The following SPAG16 variants were observed in gnomAD, a reference collection of about 807,000 sequenced individuals.
SPAG16 encodes sperm-associated antigen 16 protein.
In SPAG16, 86 loss-of-function variants were observed where a neutral mutation model predicts 80.4. The observed-to-expected ratio is 1.07, with a 90% confidence interval of 0.90 to 1.28. The LOEUF (loss-of-function observed/expected upper bound fraction) is 1.28. Among genes scored for constraint, SPAG16 ranks in the 50% most tolerant of loss-of-function variants. The pLI is 0.00. For missense variants in SPAG16, 870 were observed against 765.3 expected (o/e 1.14, Z -1.61); for synonymous variants, 294 against 265.9 (o/e 1.11, Z -1.03).
At chr2:213,963,102 T>A (rs935075675) in intron 12 of SPAG16, among the ~76,000 whole-genome samples, 2 of 151,842 alleles carry the variant, frequency 1.3e-5, no homozygotes, top group South Asian at 4.2e-4. Context: ...TCTTTTTTTT[T>A]TTTTTTAATG....
At chr2:214,310,480 GTTTTGGTTTTTGTTTTGT>G (rs149041402) in intron 15 of SPAG16, among the ~76,000 whole-genome samples, 8,474 of 152,098 alleles carry the variant, frequency 0.056, 800 homozygotes, top group African/African-American at 0.19. Context: ...TTTTTGTTTT[GTTTTGGTTTTTGTTTTGT>G]TTTTGGTGAA....
At chr2:213,801,582 A>G (rs939840090) in intron 10 of SPAG16, among the ~76,000 whole-genome samples, 2 of 152,336 alleles carry the variant, frequency 1.3e-5, no homozygotes, top group Admixed American at 6.5e-5. Context: ...AAGTAGACCT[A>G]TGTGCTAAGG....
At chr2:214,267,864 T>TAAAC (rs950519844) in intron 15 of SPAG16, among the ~76,000 whole-genome samples, 1 of 151,668 alleles carries the variant, frequency 6.6e-6, no homozygotes, top group African/African-American at 2.4e-5. Context: ...CACAGTAGGG[T>TAAAC]AAACAACAGA....
intron 15 of SPAG16, among the ~76,000 whole-genome samples, chr2:214,344,844 C>T (rs903151339): frequency 6.6e-6 from 1 of 152,068 alleles, no homozygotes; most frequent in African/African-American, 2.4e-5. Context: ...AGCTATTGCT[C>T]CTCATCTCAT....
intron 15 of SPAG16, 128 bp downstream of exon 15, chr2:214,149,394 T>G: frequency 1.3e-6 from 1 of 778,666 alleles, no homozygotes; most frequent in Non-Finnish European, 1.8e-6. Context: ...TACATTATAT[T>G]ACATTACATT....
At position 214,369,647 on chromosome 2, in the gene SPAG16, C is replaced by A. The variant is rs377631101; in HGVS notation, c.1721-40493C>A. Among the ~76,000 whole-genome samples the A allele has an allele frequency of 2.3e-4, 35 of 152,158 alleles. 1 individual carries two copies. The East Asian group carries it at 5.2e-3, about 23-fold the overall frequency. On this transcript the variant is annotated intron_variant, in intron 15 of 15. Transcript: ENST00000331683. Reference sequence around the variant, plus strand: ...CTGGTTCCTGATTCTCAACATGTGGCATGCCCTCTTTCTTTCCTTTTTCTA... The same window carrying A: ...CTGGTTCCTGATTCTCAACATGTGGAATGCCCTCTTTCTTTCCTTTTTCTA...
chr2:213,687,432 T>C (rs2064734875), intron 10 of SPAG16, among the ~76,000 whole-genome samples: 1 of 152,226 alleles, frequency 6.6e-6, no homozygotes, highest in African/African-American at 2.4e-5. Flanking sequence ...TTTTGGACAT[T>C]TCTTGTAGTG....
intron 10 of SPAG16, among the ~76,000 whole-genome samples, chr2:213,585,815 C>A (rs1226204295): frequency 2.0e-5 from 3 of 152,232 alleles, no homozygotes; most frequent in East Asian, 3.9e-4. Flanking sequence ...CTCAACAAAT[C>A]ATTTTTGAAA....
At chr2:213,614,465 A>G (rs1327286844) in intron 10 of SPAG16, among the ~76,000 whole-genome samples, 1 of 152,196 alleles carries the variant, frequency 6.6e-6, no homozygotes, top group Admixed American at 6.5e-5. Flanking sequence ...TTCTTTTTAA[A>G]CCAACCCTTG....
chr2:213,976,290 ACATATGCATACACATGTGTGCG>A (rs1283220478), intron 12 of SPAG16, among the ~76,000 whole-genome samples: 1 of 151,282 alleles, frequency 6.6e-6, no homozygotes, highest in Non-Finnish European at 1.5e-5. Flanking sequence ...ACATGTGTGC[ACATATGCATACACATGTGTGCG>A]CATATGTGTA....
intron 5 of SPAG16, among the ~76,000 whole-genome samples, chr2:213,338,207 C>T (rs972831491): frequency 2.0e-5 from 3 of 152,134 alleles, no homozygotes; most frequent in African/African-American, 7.2e-5. Context: ...GCAAGCACTC[C>T]TGAAGGAAGC....
intron 14 of SPAG16, among the ~76,000 whole-genome samples, chr2:214,120,419 A>C (rs1027476269): frequency 1.1e-4 from 17 of 151,732 alleles, no homozygotes; most frequent in African/African-American, 4.1e-4. Flanking sequence ...GATTTTAGGC[A>C]TATATTAATT....
chr2:213,858,571 T>G (rs1203664558), intron 10 of SPAG16, among the ~76,000 whole-genome samples: 1 of 152,228 alleles, frequency 6.6e-6, no homozygotes, highest in Non-Finnish European at 1.5e-5. Flanking sequence ...TTTGCTTTAT[T>G]GTGATATTCA....
chr2:213,496,011 G>A (rs913814286), intron 10 of SPAG16, among the ~76,000 whole-genome samples: 15 of 152,266 alleles, frequency 9.9e-5, no homozygotes, highest in Non-Finnish European at 1.6e-4. Flanking sequence ...AGAATGTCAG[G>A]AAGGTATTAG....
intron 13 of SPAG16, among the ~76,000 whole-genome samples, chr2:214,101,196 T>C (rs1320940206): frequency 6.6e-6 from 1 of 152,118 alleles, no homozygotes; most frequent in Non-Finnish European, 1.5e-5. Context: ...AAAAAGACTT[T>C]TACTATTTTG....
chr2:213,845,351 C>T (rs2074565712), intron 10 of SPAG16, among the ~76,000 whole-genome samples: 1 of 151,926 alleles, frequency 6.6e-6, no homozygotes, highest in Non-Finnish European at 1.5e-5. Context: ...GCATCCGCTA[C>T]CACGCCCAGC....
chr2:214,281,894 A>G (rs1377059218), intron 15 of SPAG16, among the ~76,000 whole-genome samples: 1 of 152,220 alleles, frequency 6.6e-6, no homozygotes, highest in Non-Finnish European at 1.5e-5. Flanking sequence ...GAGTTTTAAA[A>G]GCTAGTCAAA....
At chr2:214,221,057 C>T (rs1178927030) in intron 15 of SPAG16, among the ~76,000 whole-genome samples, 1 of 152,170 alleles carries the variant, frequency 6.6e-6, no homozygotes, top group Non-Finnish European at 1.5e-5. Flanking sequence ...CACACACATT[C>T]AATAGCTTCC....
Position 213,730,770 on chromosome 2 carries a change from C to G in SPAG16, c.1071-131715C>G, listed in dbSNP as rs75580821. ...TTCCAATGTTCTCCTACTCTGTTCT[C>G]TCTTCTTCTTCAGGTATTCCAATTA... On this transcript the variant is annotated intron_variant, in intron 10 of 15. Coordinates refer to ENST00000331683, the MANE Select transcript of SPAG16 (RefSeq NM_024532.5). Among the ~76,000 whole-genome samples, 1,258 of 152,286 alleles carry G rather than the reference C, an allele frequency of 8.3e-3. 48 individuals are homozygous for G. In the East Asian group the frequency reaches 0.094, roughly 11 times the overall value.
Sources: gnomAD v4.1 joint callset for allele counts (sites outside exome capture counted in the v4.1 genomes callset) on GRCh38, gnomAD v4.1.1 for gene constraint, MANE v1.5 for transcripts, NCBI Gene and HGNC (gene_info 2026-07-23, HGNC 2026-07-21) for gene names.